The following MLLT10 variants were observed in gnomAD, a reference collection of about 807,000 sequenced individuals.
The protein encoded by MLLT10 is protein AF-10.
MLLT10 carries 30 observed loss-of-function variants against 129.1 expected under a neutral mutation model. That is an observed-to-expected ratio of 0.23 (90% CI 0.17 to 0.32). The LOEUF (loss-of-function observed/expected upper bound fraction) is 0.32. Ranked by LOEUF, MLLT10 falls within the 10% of genes least tolerant of loss-of-function variation. The probability of loss-of-function intolerance (pLI) is 1.00; values close to 1 mark genes in which losing one functional copy is unlikely to be tolerated. For missense variants in MLLT10, 1,119 were observed against 1,268.3 expected, an observed-to-expected ratio of 0.88 and a Z score of 1.79; for synonymous variants, 490 against 446.4, an observed-to-expected ratio of 1.10 and a Z score of -1.23.
In MLLT10 at chr10:21,673,461, C is replaced by G. The variant is rs1179225380; in HGVS notation, c.1163C>G (p.Ser388Cys). Residue 388 changes from serine to cysteine, a missense_variant, in exon 11 of 23, where the codon TCT becomes TGT. Transcript: ENST00000307729. Reference sequence around the variant, plus strand: ...TCAGATCTGCGTAATGACAGTTACTCTCACTCCCAACAGTCATCAGCAACC... The same window carrying G: ...TCAGATCTGCGTAATGACAGTTACTGTCACTCCCAACAGTCATCAGCAACC... The part of the protein sequence containing the change: ...TDSDLRNDSY[S>C]HSQQSSATKD... 2.5e-6 allele frequency: 4 copies of G among 1,613,396 alleles called. No individual in the cohort carries two copies. The highest frequency in any genetic ancestry group is 1.7e-6 in the Non-Finnish European group (2 of 1,179,900).
Position 21,639,314 on chromosome 10 carries a change from A to C in MLLT10, c.700-12359A>C, listed in dbSNP as rs115142495. Reference sequence around the variant, plus strand: ...CCACCTGGAGATGGCATCAGATTACACAGGTTGGGAACTCAGTCCCACAGG... The same window carrying C: ...CCACCTGGAGATGGCATCAGATTACCCAGGTTGGGAACTCAGTCCCACAGG... On this transcript the variant is annotated intron_variant, in intron 8 of 22. Transcript: ENST00000307729. Among the ~76,000 whole-genome samples the C allele has an allele frequency of 3.8e-3, 579 of 152,238 alleles. 5 individuals are homozygous for C. The highest frequency in any genetic ancestry group is 0.013 in the African/African-American group (544 of 41,538).
intron 4 of MLLT10, among the ~76,000 whole-genome samples, chr10:21,589,416 G>C (rs1343286891): frequency 6.7e-6 from 1 of 149,800 alleles, no homozygotes; most frequent in Non-Finnish European, 1.5e-5. Flanking sequence ...TAGCTTTGTA[G>C]TCCTGGGCTC....
chr10:21,578,064 T>C (rs1475104218), intron 3 of MLLT10, among the ~76,000 whole-genome samples: 3 of 151,790 alleles, frequency 2.0e-5, no homozygotes, highest in African/African-American at 7.3e-5. Context: ...CTTGGCTAAT[T>C]TTGTAATTTT....
chr10:21,555,615 C>T (rs1218324978), intron 3 of MLLT10, among the ~76,000 whole-genome samples: 1 of 151,426 alleles, frequency 6.6e-6, no homozygotes, highest in African/African-American at 2.4e-5. Context: ...GCCTGTCTTT[C>T]GTGTTAGTGA....
chr10:21,741,124 A>T (rs2131600360), intron 22 of MLLT10, among the ~76,000 whole-genome samples: 1 of 152,302 alleles, frequency 6.6e-6, no homozygotes, highest in African/African-American at 2.4e-5. Context: ...TTCAAAATAG[A>T]GGATTGTTTT....
rs757509876 is a variant in MLLT10, at chr10:21,586,323, A to G, written c.270A>G (p.Gly90=). The change falls in exon 4 of 23, where the codon GGA becomes GGG. Residue 90 remains glycine, a synonymous_variant. Coordinates refer to ENST00000307729, the MANE Select transcript of MLLT10 (RefSeq NM_001195626.3). ...VRCELCPHKD[G]ALKRTDNGGW... Reference sequence around the variant, plus strand: ...GTGAACTTTGTCCCCATAAGGATGGAGCTTTAAAAAGAACAGATAATGGGG... The same window carrying G: ...GTGAACTTTGTCCCCATAAGGATGGGGCTTTAAAAAGAACAGATAATGGGG... 1.1e-5 allele frequency: 17 copies of G among 1,583,778 alleles called. No homozygotes were observed. Among genetic ancestry groups the G allele is most frequent in the Non-Finnish European group, 1.5e-5 (17 of 1,165,352 alleles).
In MLLT10 at chr10:21,730,985, G is replaced by A; in HGVS notation, c.2149G>A (p.Glu717Lys). Residue 717 changes from glutamate (E) to lysine (K), a missense_variant, in exon 17 of 23, where the codon GAA (glutamate) becomes AAA (lysine). Transcript: ENST00000307729. ...TCTGCCTCCAGTAGCAGCCAGCATA[G>A]AACAGCTTTTGGAGAGGCAGTGGAG... ...ENLPPVAASI[E>K]QLLERQWSEG... 6.2e-7 allele frequency: 1 copy of A among 1,614,158 alleles called. No homozygotes were observed.
At chr10:21,542,410 A>G (rs932831495) in intron 3 of MLLT10, among the ~76,000 whole-genome samples, 1 of 152,172 alleles carries the variant, frequency 6.6e-6, no homozygotes, top group Non-Finnish European at 1.5e-5. Context: ...TTCTTCTAAA[A>G]ATACAAAAAA....
At chr10:21,549,401 C>T (rs980361788) in intron 3 of MLLT10, among the ~76,000 whole-genome samples, 3 of 152,120 alleles carry the variant, frequency 2.0e-5, no homozygotes, top group African/African-American at 7.2e-5. Flanking sequence ...TGAGCCACTG[C>T]ACCCGTCCAG....
chr10:21,665,089 G>T (rs2050630265), intron 9 of MLLT10, among the ~76,000 whole-genome samples: 1 of 151,544 alleles, frequency 6.6e-6, no homozygotes. Flanking sequence ...GGGATTGCAG[G>T]TGTGCATCAC....
At chr10:21,666,640 C>T (rs934876062) in intron 9 of MLLT10, among the ~76,000 whole-genome samples, 29 of 149,090 alleles carry the variant, frequency 1.9e-4, no homozygotes, top group African/African-American at 7.2e-4. Context: ...TCCAGCCTGG[C>T]GACAGAGCAA....
At position 21,622,670 on chromosome 10, in the gene MLLT10, A is replaced by G. The variant is rs1417214653; in HGVS notation, c.699+5463A>G. ...AGTTAATGTTGATTAGTAAAAGGAA[A>G]GCATGCTGCTGTTCTATAAGTTCAC... is the stretch of plus-strand genomic sequence containing the variant. On this transcript the variant is annotated intron_variant, in intron 8 of 22. Transcript: ENST00000307729. 4.6e-5 allele frequency among the ~76,000 whole-genome samples: 7 copies of G among 152,324 alleles called. No homozygotes were observed. The East Asian group carries it at 1.2e-3, about 25-fold the overall frequency.
chr10:21,728,368 A>C (rs1173669885), intron 16 of MLLT10, among the ~76,000 whole-genome samples: 1 of 152,192 alleles, frequency 6.6e-6, no homozygotes, highest in African/African-American at 2.4e-5. Context: ...TAGTTCTTAA[A>C]TTGTTTGAAT....
chr10:21,597,343 G>T (rs2043118774), intron 5 of MLLT10, among the ~76,000 whole-genome samples: 1 of 152,106 alleles, frequency 6.6e-6, no homozygotes, highest in Non-Finnish European at 1.5e-5. Flanking sequence ...ATCACAAACT[G>T]CATTTTGACT....
At chr10:21,539,512 A>G (rs1427162577) in intron 3 of MLLT10, among the ~76,000 whole-genome samples, 2 of 150,106 alleles carry the variant, frequency 1.3e-5, no homozygotes, top group Non-Finnish European at 3.0e-5. Flanking sequence ...AGTGGTTCAC[A>G]CCTGTAATCC....
chr10:21,743,435 T>C lies in MLLT10; in HGVS notation c.*1452T>C, dbSNP rs1833912783. The C allele has an allele frequency of 5.2e-6, 1 of 193,962 alleles. No individual in the cohort carries two copies. Among genetic ancestry groups the C allele is most frequent in the Admixed American group, 6.1e-5 (1 of 16,376 alleles). The allele number at this position is 193,962 out of a possible 1,614,324, so 12.0% of individuals were successfully genotyped here. ...TATTTTTATATGTTCAGGGGAATTT[T>C]AAAGTCAAATCTTTTGTAGATAATT... On this transcript the variant is annotated 3_prime_UTR_variant, in exon 23 of 23. Coordinates refer to ENST00000307729, the MANE Select transcript of MLLT10 (RefSeq NM_001195626.3).
At position 21,733,509 on chromosome 10, in the gene MLLT10, A is replaced by G; in HGVS notation, c.2413A>G (p.Thr805Ala). 1 of 1,539,624 alleles carries G rather than the reference A, an allele frequency of 6.5e-7. No homozygotes were observed. The highest frequency in any genetic ancestry group is 1.3e-5 in the South Asian group (1 of 79,410). ...IHTFSAQTAPTTDSLNSSKSP... is the reference protein window; with the variant it reads ...IHTFSAQTAPATDSLNSSKSP... ...TTTGTCTTTTATTATTCTAGCTCCT[A>G]CTACTGATTCCTTGAACAGCAGTAA... The change falls in exon 19 of 23, where the codon ACT (threonine) becomes GCT (alanine). Residue 805 changes from threonine (T) to alanine (A), a missense_variant. By Grantham distance (58) the Thr-to-Ala change is moderately conservative. This residue lies in a region of MLLT10 where 1,004 missense variants were observed against 1,008.7 expected (regional missense o/e 1.00). Coordinates refer to ENST00000307729, the MANE Select transcript of MLLT10 (RefSeq NM_001195626.3).
At chr10:21,550,109 A>G (rs2036763500) in intron 3 of MLLT10, among the ~76,000 whole-genome samples, 1 of 152,156 alleles carries the variant, frequency 6.6e-6, no homozygotes, top group Admixed American at 6.5e-5. Flanking sequence ...GAGAAAATAG[A>G]CTTGGATTGG....
intron 3 of MLLT10, among the ~76,000 whole-genome samples, chr10:21,545,957 A>G (rs1469433568): frequency 6.6e-6 from 1 of 152,170 alleles, no homozygotes; most frequent in Admixed American, 6.5e-5. Flanking sequence ...GTGAGCCACC[A>G]TGCCTGGCCT....
Sources: allele counts gnomAD v4.1 joint callset (sites outside exome capture counted in the v4.1 genomes callset), GRCh38; gene constraint gnomAD v4.1.1; regional missense constraint gnomAD v4.1.1; transcripts MANE v1.5; gene names NCBI Gene and HGNC (gene_info 2026-07-23, HGNC 2026-07-21).